The following KLHDC10 variants were observed in gnomAD, a reference collection of about 807,000 sequenced individuals.
KLHDC10 encodes kelch domain-containing protein 10.
KLHDC10 carries 24 observed loss-of-function variants against 56.1 expected under a neutral mutation model. That is an observed-to-expected ratio of 0.43 (90% CI 0.31 to 0.60). The LOEUF (loss-of-function observed/expected upper bound fraction) is 0.60, where lower values mean the gene tolerates loss of function less well. Ranked by LOEUF, KLHDC10 falls within the 20% of genes least tolerant of loss-of-function variation. The probability of loss-of-function intolerance (pLI) is 0.11; values close to 1 mark genes in which losing one functional copy is unlikely to be tolerated. For missense variants in KLHDC10, 349 were observed against 567.0 expected (o/e 0.62, Z 3.91); for synonymous variants, 188 against 207.1 (o/e 0.91, Z 0.79).
chr7:130,107,411 C>G (rs1194263472), intron 2 of KLHDC10, among the ~76,000 whole-genome samples: 2 of 152,090 alleles, frequency 1.3e-5, no homozygotes, highest in Admixed American at 1.3e-4. Flanking sequence ...AAAATTTAAA[C>G]TTGCAAAAAA....
chr7:130,086,505 A>G (rs930926802), intron 1 of KLHDC10, among the ~76,000 whole-genome samples: 7 of 152,190 alleles, frequency 4.6e-5, no homozygotes, highest in Non-Finnish European at 1.0e-4. Flanking sequence ...CCATCTCCCT[A>G]GAGTTTCTGG....
intron 1 of KLHDC10, among the ~76,000 whole-genome samples, chr7:130,091,314 A>G (rs60722983): frequency 0.12 from 18,197 of 152,172 alleles, 1,283 homozygotes; most frequent in East Asian, 0.31. Flanking sequence ...GCAAAGTATA[A>G]CTCATCCAGT....
chr7:130,112,026 T>A (rs766473114), intron 2 of KLHDC10, among the ~76,000 whole-genome samples: 4 of 152,222 alleles, frequency 2.6e-5, no homozygotes, highest in Non-Finnish European at 5.9e-5. Flanking sequence ...ATTGTATCTA[T>A]TAAAAATTTT....
chr7:130,128,079 C>G (rs1284201880), intron 8 of KLHDC10, among the ~76,000 whole-genome samples: 3 of 152,192 alleles, frequency 2.0e-5, no homozygotes, highest in Non-Finnish European at 4.4e-5. Flanking sequence ...AGTTAGATAG[C>G]CTGTATGCTT....
intron 8 of KLHDC10, 72 bp from the exon 9 acceptor site, chr7:130,129,365 A>AC: frequency 1.3e-6 from 2 of 1,557,112 alleles, no homozygotes; most frequent in Non-Finnish European, 1.7e-6. Context: ...TGGCTGTGTG[A>AC]CCTACTCTAA....
intron 7 of KLHDC10, among the ~76,000 whole-genome samples, 181 bp from the exon 8 acceptor site, chr7:130,127,223 T>C (rs1184901406): frequency 1.3e-5 from 2 of 152,244 alleles, no homozygotes; most frequent in East Asian, 1.9e-4. Context: ...TGTACTGTTA[T>C]GATGAGACTC....
chr7:130,070,607 G>A lies in KLHDC10; in HGVS notation c.-37G>A. ...CTCCGCTGGTTCCGCTGGGTCAGGCGCTGACGGGACCGGGCTGCGGCAATC... is the reference window on the plus strand; with the variant it reads ...CTCCGCTGGTTCCGCTGGGTCAGGCACTGACGGGACCGGGCTGCGGCAATC... On this transcript the variant is annotated 5_prime_UTR_variant, in exon 1 of 10. Coordinates refer to ENST00000335420, the MANE Select transcript of KLHDC10 (RefSeq NM_014997.4). 2 of 1,301,812 alleles carry A rather than the reference G, an allele frequency of 1.5e-6. No homozygotes were observed. The highest frequency in any genetic ancestry group is 2.7e-5 in the South Asian group (1 of 36,730). The allele number at this position is 1,301,812 out of a possible 1,614,324, so 80.6% of individuals were successfully genotyped here.
In KLHDC10 at chr7:130,129,510, C is replaced by T. The variant is rs781159618; in HGVS notation, c.1053C>T (p.Phe351=). 1.9e-6 allele frequency: 3 copies of T among 1,614,136 alleles called. No individual in the cohort carries two copies. The highest frequency in any genetic ancestry group is 1.1e-5 in the South Asian group (1 of 91,086). ...GDIWKLNLQT[F]QWVKLPATMP... is the part of the protein sequence containing the mutation. The stretch of plus-strand genomic sequence containing the variant: ...TCTGGAAGTTGAATCTGCAGACTTT[C>T]CAATGGGTGAAGCTCCCAGCTACCA... Residue 351 remains phenylalanine (F), a synonymous_variant, in exon 9 of 10, where the codon TTC becomes TTT. Transcript: ENST00000335420.
chr7:130,131,635 G>A lies in KLHDC10; in HGVS notation c.*889G>A, dbSNP rs992653500. On this transcript the variant is annotated 3_prime_UTR_variant, in exon 10 of 10. Coordinates refer to ENST00000335420, the MANE Select transcript of KLHDC10 (RefSeq NM_014997.4). ...GGGGAATTGTAGACCCTAAGTATGT[G>A]GTGTAAATGCCATGTAACATGAACA... The A allele has an allele frequency of 3.3e-5, 5 of 152,176 alleles. No individual in the cohort carries two copies. Among genetic ancestry groups the A allele is most frequent in the African/African-American group, 1.2e-4 (5 of 41,414 alleles). 9.4% of individuals were successfully genotyped at this position (152,176 alleles called of 1,614,324 possible).
chr7:130,123,032 G>GATGT (rs1437786952), intron 5 of KLHDC10, among the ~76,000 whole-genome samples: 4 of 152,152 alleles, frequency 2.6e-5, no homozygotes, highest in African/African-American at 9.6e-5. Flanking sequence ...TGGATGGATG[G>GATGT]ATGGATGGAT....
intron 1 of KLHDC10, among the ~76,000 whole-genome samples, chr7:130,085,540 A>G (rs1372109278): frequency 6.6e-6 from 1 of 151,724 alleles, no homozygotes; most frequent in African/African-American, 2.4e-5. Flanking sequence ...TAAGGTTTTA[A>G]AATGGTAGAC....
Position 130,098,780 on chromosome 7 carries a change from A to G in KLHDC10, c.253+1773A>G, listed in dbSNP as rs554336330. Among the ~76,000 whole-genome samples the G allele has an allele frequency of 4.0e-4, 61 of 152,330 alleles. No homozygotes were observed. In the South Asian group the frequency reaches 0.012, roughly 29 times the overall value. The stretch of plus-strand genomic sequence containing the variant: ...AATGATATAAAACACATAAACATAA[A>G]AAACAAATAGTGACATAACAGGTTG... On this transcript the variant is annotated intron_variant, in intron 2 of 9. Transcript: ENST00000335420.
chr7:130,087,737 A>T (rs945562631), intron 1 of KLHDC10, among the ~76,000 whole-genome samples: 1 of 152,116 alleles, frequency 6.6e-6, no homozygotes, highest in African/African-American at 2.4e-5. Flanking sequence ...CATACACACA[A>T]ACCTAAAACA....
chr7:130,118,493 C>T (rs61195089), intron 3 of KLHDC10, among the ~76,000 whole-genome samples: 18,977 of 152,246 alleles, frequency 0.12, 1,370 homozygotes, highest in East Asian at 0.31. Flanking sequence ...TTCTGCATAT[C>T]AGCAATAAGG....
At chr7:130,111,554 TAAAAG>T (rs1288050717) in intron 2 of KLHDC10, among the ~76,000 whole-genome samples, 1 of 151,686 alleles carries the variant, frequency 6.6e-6, no homozygotes, top group African/African-American at 2.4e-5. Flanking sequence ...ACAAAAAAAA[TAAAAG>T]AAGTAGCTAG....
At chr7:130,071,291 G>A (rs747184792) in intron 1 of KLHDC10, among the ~76,000 whole-genome samples, 1 of 152,326 alleles carries the variant, frequency 6.6e-6, no homozygotes, top group East Asian at 1.9e-4. Flanking sequence ...AAAGGGGTGG[G>A]GGAGTGTTGG....
At chr7:130,128,557 G>C (rs1340887812) in intron 8 of KLHDC10, among the ~76,000 whole-genome samples, 1 of 152,132 alleles carries the variant, frequency 6.6e-6, no homozygotes, top group East Asian at 1.9e-4. Flanking sequence ...AAGCTTGGAA[G>C]AGCCTCTTTT....
chr7:130,072,410 C>A (rs1252378548), intron 1 of KLHDC10, among the ~76,000 whole-genome samples: 1 of 152,140 alleles, frequency 6.6e-6, no homozygotes, highest in African/African-American at 2.4e-5. Context: ...GCACACAAGA[C>A]CAAGAACAGC....
At chr7:130,115,783 A>C (rs1346427256) in intron 2 of KLHDC10, among the ~76,000 whole-genome samples, 1 of 151,740 alleles carries the variant, frequency 6.6e-6, no homozygotes, top group Non-Finnish European at 1.5e-5. Context: ...AAACTGTAGG[A>C]ATAGCTTTTC....
Sources: allele counts gnomAD v4.1 joint callset (sites outside exome capture counted in the v4.1 genomes callset), GRCh38; gene constraint gnomAD v4.1.1; transcripts MANE v1.5; gene names NCBI Gene and HGNC (gene_info 2026-07-23, HGNC 2026-07-21).